The following KIAA1217 variants were observed in gnomAD, a reference collection of about 807,000 sequenced individuals.
KIAA1217 encodes KIAA1217.
In KIAA1217, 88 loss-of-function variants were observed where a neutral mutation model predicts 163.9. That is an observed-to-expected ratio of 0.54 (90% CI 0.45 to 0.64). The LOEUF (loss-of-function observed/expected upper bound fraction) is 0.64, where lower values mean the gene tolerates loss of function less well. Among genes scored for constraint, KIAA1217 ranks in the 30% least tolerant of loss-of-function variants. The pLI is 0.00. For missense variants in KIAA1217, 2,372 were observed against 2,475.0 expected (o/e 0.96, Z 0.88); for synonymous variants, 903 against 923.1 (o/e 0.98, Z 0.39).
intron 5 of KIAA1217, among the ~76,000 whole-genome samples, chr10:24,441,239 C>T (rs569775983): frequency 1.3e-5 from 2 of 152,266 alleles, no homozygotes; most frequent in South Asian, 4.1e-4. Flanking sequence ...TGTCATTAGA[C>T]CTCACTCCCC....
At chr10:24,311,768 A>G (rs1175671612) in intron 2 of KIAA1217, among the ~76,000 whole-genome samples, 1 of 148,808 alleles carries the variant, frequency 6.7e-6, no homozygotes, top group Non-Finnish European at 1.5e-5. Context: ...CTTTCTTGGG[A>G]AAAAAAAGTC....
intron 1 of KIAA1217, among the ~76,000 whole-genome samples, chr10:23,701,352 G>A (rs986121491): frequency 2.0e-5 from 3 of 152,200 alleles, no homozygotes; most frequent in African/African-American, 7.2e-5. Context: ...AATACTTTCT[G>A]TCTTAGGGAT....
At chr10:24,351,646 G>A (rs913205933) in intron 2 of KIAA1217, among the ~76,000 whole-genome samples, 2 of 151,992 alleles carry the variant, frequency 1.3e-5, no homozygotes, top group East Asian at 1.9e-4. Context: ...CGTTTTTTTC[G>A]TTTATGGACC....
At chr10:23,742,145 T>G (rs987582046) in intron 1 of KIAA1217, among the ~76,000 whole-genome samples, 5 of 152,040 alleles carry the variant, frequency 3.3e-5, no homozygotes, top group Non-Finnish European at 5.9e-5. Context: ...TGATGGGAGT[T>G]GTTGGTGGAG....
rs533746344 is a variant in KIAA1217 at position 24,546,984 on chromosome 10, G to A, written c.*660G>A. The A allele has an allele frequency of 2.6e-5, 4 of 151,976 alleles. No homozygotes were observed. The highest frequency in any genetic ancestry group is 5.9e-5 in the Non-Finnish European group (4 of 67,918). The allele number at this position is 151,976 out of a possible 1,614,324, so 9.4% of individuals were successfully genotyped here. A position where few individuals can be genotyped will look rare whatever the true frequency, so the allele number is the denominator to read the frequency against. ...CAAACCTATTGCACTGCCATGAAAA[G>A]TGTGTATAATAATTTGCTAGCCCAA... On this transcript the variant is annotated 3_prime_UTR_variant, in exon 21 of 21. Transcript: ENST00000376454.
chr10:24,330,770 A>T (rs2045569613), intron 2 of KIAA1217, among the ~76,000 whole-genome samples: 1 of 151,542 alleles, frequency 6.6e-6, no homozygotes, highest in South Asian at 2.1e-4. Context: ...GCATGCCACC[A>T]CACCAGGCTA....
intron 1 of KIAA1217, among the ~76,000 whole-genome samples, chr10:23,841,645 C>T (rs1838788540): frequency 6.6e-6 from 1 of 151,740 alleles, no homozygotes; most frequent in African/African-American, 2.4e-5. Flanking sequence ...AAAATAATAG[C>T]TTCTGTTTAT....
rs148032929 is a variant in KIAA1217 at position 24,440,678 on chromosome 10, G to A, written c.846+2199G>A. ...GAAACCCTGCTGATCACTTTTTCTG[G>A]GTTACCCAGAGCCTACTTTAAGCCC... On this transcript the variant is annotated intron_variant, in intron 5 of 20. Transcript: ENST00000376454. Among the ~76,000 whole-genome samples the A allele has an allele frequency of 2.1e-3, 318 of 152,264 alleles. 1 individual carries two copies. Among genetic ancestry groups the A allele is most frequent in the Middle Eastern group, 0.01 (3 of 294 alleles).
intron 4 of KIAA1217, 110 bp downstream of exon 4, chr10:24,433,303 T>A (rs1255494211): frequency 2.7e-6 from 2 of 751,566 alleles, no homozygotes; most frequent in African/African-American, 1.8e-5. Context: ...GCATTTAGAG[T>A]GTTTTTTTGT....
intron 2 of KIAA1217, among the ~76,000 whole-genome samples, chr10:24,330,693 G>C (rs1362234629): frequency 6.6e-6 from 1 of 152,108 alleles, no homozygotes; most frequent in Admixed American, 6.5e-5. Flanking sequence ...ATGGCTCACT[G>C]TAACCTCCTC....
intron 1 of KIAA1217, among the ~76,000 whole-genome samples, chr10:23,712,742 T>C (rs192319064): frequency 1.8e-3 from 277 of 152,272 alleles, no homozygotes; most frequent in African/African-American, 5.3e-3. Context: ...TACTTTTTAA[T>C]ACAGGATAAA....
intron 1 of KIAA1217, among the ~76,000 whole-genome samples, chr10:23,838,456 T>C (rs886433009): frequency 6.7e-6 from 1 of 149,514 alleles, no homozygotes; most frequent in Non-Finnish European, 1.5e-5. Context: ...TGACAACTTG[T>C]TTTCCTGTTT....
At chr10:24,387,747 C>T (rs1400307697) in intron 3 of KIAA1217, among the ~76,000 whole-genome samples, 3 of 151,918 alleles carry the variant, frequency 2.0e-5, no homozygotes, top group South Asian at 2.1e-4. Context: ...ACAAGCATTC[C>T]TATACACCAA....
At chr10:24,519,351 A>T (rs1564844406) in intron 10 of KIAA1217, among the ~76,000 whole-genome samples, 2 of 152,114 alleles carry the variant, frequency 1.3e-5, no homozygotes, top group Non-Finnish European at 2.9e-5. Context: ...TGGAGCTAGC[A>T]TTCCCCTCTA....
chr10:24,036,709 C>T (rs1848408512), intron 2 of KIAA1217, among the ~76,000 whole-genome samples: 1 of 152,064 alleles, frequency 6.6e-6, no homozygotes, highest in South Asian at 2.1e-4. Context: ...TTTTAAACAA[C>T]CAGATCTCAC....
chr10:23,797,495 C>T (rs779719351), intron 1 of KIAA1217, among the ~76,000 whole-genome samples: 1 of 152,064 alleles, frequency 6.6e-6, no homozygotes, highest in Non-Finnish European at 1.5e-5. Flanking sequence ...AAAGAACTAC[C>T]GAGACTGGGT....
chr10:23,879,697 AAG>A (rs1332379225), intron 1 of KIAA1217, among the ~76,000 whole-genome samples: 1 of 151,928 alleles, frequency 6.6e-6, no homozygotes, highest in Non-Finnish European at 1.5e-5. Context: ...TTCTGTATAA[AAG>A]AGAGTAGAGA....
chr10:23,725,726 G>A (rs1838096646), intron 1 of KIAA1217, among the ~76,000 whole-genome samples: 1 of 152,208 alleles, frequency 6.6e-6, no homozygotes, highest in Admixed American at 6.5e-5. Flanking sequence ...TGCATGGCTT[G>A]TTTATTCCTT....
intron 2 of KIAA1217, among the ~76,000 whole-genome samples, chr10:24,318,511 C>T (rs2043706428): frequency 6.6e-6 from 1 of 152,138 alleles, no homozygotes; most frequent in Admixed American, 6.5e-5. Context: ...GTGGATTTGC[C>T]ATCCCCCACA....
Sources: allele counts gnomAD v4.1 joint callset (sites outside exome capture counted in the v4.1 genomes callset), GRCh38; gene constraint gnomAD v4.1.1; transcripts MANE v1.5; gene names NCBI Gene and HGNC (gene_info 2026-07-23, HGNC 2026-07-21).